The following SIRT3 variants were observed in gnomAD, a reference collection of about 807,000 sequenced individuals.
SIRT3 encodes the protein sirtuin 3.
In SIRT3, 26 loss-of-function variants were observed where a neutral mutation model predicts 33.5. The observed-to-expected ratio is 0.78, with a 90% confidence interval of 0.57 to 1.08. The LOEUF (loss-of-function observed/expected upper bound fraction) is 1.08, where lower values mean the gene tolerates loss of function less well. Ranked by LOEUF, SIRT3 falls within the 50% of genes least tolerant of loss-of-function variation. The probability of loss-of-function intolerance (pLI) is 0.00; values close to 1 mark genes in which losing one functional copy is unlikely to be tolerated. For synonymous variants in SIRT3, 237 were observed against 222.1 expected (o/e 1.07, Z -0.60); for missense variants, 585 against 530.1 (o/e 1.10, Z -1.02).
At chr11:219,601 C>A (rs1856151367) in intron 5 of SIRT3, among the ~76,000 whole-genome samples, 1 of 111,650 alleles carries the variant, frequency 9.0e-6, no homozygotes, top group South Asian at 3.3e-4. Flanking sequence ...CTCAAAGCTT[C>A]TTTTAAGAGG....
At chr11:227,384 G>C (rs933721761) in intron 4 of SIRT3, among the ~76,000 whole-genome samples, 1 of 151,632 alleles carries the variant, frequency 6.6e-6, no homozygotes, top group Non-Finnish European at 1.5e-5. Context: ...GTTGCAATGA[G>C]CTGAGATCAT....
At chr11:219,551 A>T (rs1327015016) in intron 5 of SIRT3, among the ~76,000 whole-genome samples, 1 of 152,166 alleles carries the variant, frequency 6.6e-6, no homozygotes, top group African/African-American at 2.4e-5. Context: ...CAGCCTCTAG[A>T]GAGGCCTAGC....
intron 4 of SIRT3, chr11:225,830 T>A (rs1464712373): frequency 6.6e-6 from 1 of 152,010 alleles, no homozygotes; most frequent in Non-Finnish European, 1.5e-5. Context: ...AACGGCAGAG[T>A]ATGATCCAGC....
intron 6 of SIRT3, among the ~76,000 whole-genome samples, chr11:217,426 G>A (rs1855810399): frequency 6.6e-6 from 1 of 152,220 alleles, no homozygotes; most frequent in Non-Finnish European, 1.5e-5. Context: ...TCCAGCTTGG[G>A]CAACAAGAGT....
chr11:235,998 G>A (rs201101128), intron 1 of SIRT3, 50 bp downstream of exon 1: 20 of 1,411,408 alleles, frequency 1.4e-5, no homozygotes, highest in Non-Finnish European at 1.6e-5. Flanking sequence ...AAGAGTGGGC[G>A]AGGTGTCGAC....
At position 226,268 on chromosome 11, in the gene SIRT3, C is replaced by A. The variant is rs75526425; in HGVS notation, c.808-2029G>T. Among the ~76,000 whole-genome samples, 688 of 152,174 alleles carry A rather than the reference C, an allele frequency of 4.5e-3. 4 individuals are homozygous for A. Among genetic ancestry groups the A allele is most frequent in the African/African-American group, 0.016 (665 of 41,524 alleles). On this transcript the variant is annotated intron_variant, in intron 4 of 6. Transcript: ENST00000382743. Reference sequence around the variant, plus strand: ...CCTTAGTGAAGAAGCCTAATGGTGGCTGGGGAGGGAGGGGTACAGTGAGGC... The same window carrying A: ...CCTTAGTGAAGAAGCCTAATGGTGGATGGGGAGGGAGGGGTACAGTGAGGC...
At chr11:221,282 T>C (rs1856409277) in intron 5 of SIRT3, among the ~76,000 whole-genome samples, 1 of 152,234 alleles carries the variant, frequency 6.6e-6, no homozygotes, top group Non-Finnish European at 1.5e-5. Context: ...TGGCTATCTT[T>C]TTATTTTTTG....
At chr11:236,006 G>T in intron 1 of SIRT3, 42 bp downstream of exon 1, 1 of 1,423,644 alleles carries the variant, frequency 7.0e-7, no homozygotes, top group South Asian at 1.5e-5. Context: ...GCGAGGTGTC[G>T]ACAACGAACA....
At chr11:218,489 G>A (rs61876182) in intron 6 of SIRT3, among the ~76,000 whole-genome samples, 26,330 of 152,128 alleles carry the variant, frequency 0.17, 2,591 homozygotes, top group Middle Eastern at 0.26. Flanking sequence ...TCTTTAACCC[G>A]TATCATCTTA....
chr11:221,012 A>G (rs932451928), intron 5 of SIRT3, among the ~76,000 whole-genome samples: 2 of 135,744 alleles, frequency 1.5e-5, no homozygotes, highest in South Asian at 5.2e-4. Context: ...ATTTATCAGC[A>G]TTTACCCTTC....
chr11:224,275 C>T, intron 4 of SIRT3, 36 bp from the exon 5 acceptor site: 1 of 1,592,444 alleles, frequency 6.3e-7, no homozygotes, highest in Non-Finnish European at 8.5e-7. Context: ...AGGAAGATGC[C>T]TGCAACACCC....
At position 215,688 on chromosome 11, in the gene SIRT3, G is replaced by A. The variant is rs1855575451; in HGVS notation, c.*1010C>T. On this transcript the variant is annotated 3_prime_UTR_variant, in exon 7 of 7. Transcript: ENST00000382743. ...GTGAGAGCCCAGGAGGGAGCAGCTG[G>A]TGCCTGACAGGGTGAGCCATCAGGG... 1 of 152,376 alleles carries A rather than the reference G, an allele frequency of 6.6e-6. No homozygotes were observed. Among genetic ancestry groups the A allele is most frequent in the Non-Finnish European group, 1.5e-5 (1 of 68,200 alleles). 9.4% of individuals were successfully genotyped at this position (152,376 alleles called of 1,614,324 possible).
chr11:219,141 T>C, intron 5 of SIRT3, 100 bp from the exon 6 acceptor site: 1 of 1,423,686 alleles, frequency 7.0e-7, no homozygotes. Flanking sequence ...AGCAGCAGAT[T>C]GGCAGTCAGA....
Position 219,011 on chromosome 11 carries a change from CG to C in SIRT3, c.999del (p.Val334CysfsTer40). On this transcript the variant is annotated frameshift_variant, in exon 6 of 7. Transcript: ENST00000382743. LOFTEE classifies it high-confidence loss of function. ...EVEPFASLTEAVRSSVPRLLI... is the reference protein window; with the variant it reads ...EVEPFASLTEXVRSSVPRLLI... The stretch of plus-strand genomic sequence containing the variant: ...AGCAGTCGGGGAACTGAGCTCCGCA[CG>C]GCCTCGGTCAAGCTGGCAAAAGGCT... The C allele has an allele frequency of 6.2e-7, 1 of 1,613,878 alleles. No individual in the cohort carries two copies. Among genetic ancestry groups the C allele is most frequent in the East Asian group, 2.2e-5 (1 of 44,886 alleles).
At chr11:231,181 GT>G (rs2133919755) in intron 3 of SIRT3, among the ~76,000 whole-genome samples, 1 of 152,032 alleles carries the variant, frequency 6.6e-6, no homozygotes, top group Admixed American at 6.6e-5. Flanking sequence ...GCTCATGCCT[GT>G]AATCCCAGTG....
At chr11:225,383 G>C (rs1440276499) in intron 4 of SIRT3, among the ~76,000 whole-genome samples, 1 of 152,140 alleles carries the variant, frequency 6.6e-6, no homozygotes, top group Non-Finnish European at 1.5e-5. Flanking sequence ...CTGCACTCCA[G>C]CCTGGGCAAC....
rs1385438610 is a variant in SIRT3, at chr11:236,204, C to T, written c.125G>A (p.Gly42Asp). 2 of 1,560,224 alleles carry T rather than the reference C, an allele frequency of 1.3e-6. No individual in the cohort carries two copies. The change falls in exon 1 of 7, where the codon GGC becomes GAC. Residue 42 changes from glycine (G) to aspartate (D), a missense_variant. Physicochemically the swap from Gly to Asp is moderately conservative, Grantham distance 94. Coordinates refer to ENST00000382743, the MANE Select transcript of SIRT3 (RefSeq NM_012239.6). ...QACGCRLVLG[G>D]RDDVSAGLRG... ...CAGCCCCGCACTCACATCGTCCCTG[C>T]CGCCAAGCACCAGCCGACAGCCGCA...
intron 4 of SIRT3, among the ~76,000 whole-genome samples, chr11:228,614 A>C (rs960898884): frequency 6.6e-6 from 1 of 152,254 alleles, no homozygotes; most frequent in African/African-American, 2.4e-5. Flanking sequence ...AAATTAACTC[A>C]AAATGGATCA....
chr11:223,639 T>A lies in SIRT3; in HGVS notation c.969+439A>T. Reference sequence around the variant, plus strand: ...ACACCCCCATCCTTCTCCCTTCTCCTCACACGTGGTGCCCCACCCACACCT... The same window carrying A: ...ACACCCCCATCCTTCTCCCTTCTCCACACACGTGGTGCCCCACCCACACCT... On this transcript the variant is annotated intron_variant, in intron 5 of 6. Coordinates refer to ENST00000382743, the MANE Select transcript of SIRT3 (RefSeq NM_012239.6). The surrounding 1 kb of genome is among the most constrained non-coding windows in gnomAD (Gnocchi z 4.8). 1.3e-5 allele frequency: 5 copies of A among 382,034 alleles called. No homozygotes were observed. Among genetic ancestry groups the A allele is most frequent in the Non-Finnish European group, 2.5e-5 (5 of 197,022 alleles). The allele number at this position is 382,034 out of a possible 1,614,324, so 23.7% of individuals were successfully genotyped here.
Sources: gnomAD v4.1 joint callset for allele counts (sites outside exome capture counted in the v4.1 genomes callset) on GRCh38, gnomAD v4.1.1 for gene constraint, Gnocchi (gnomAD v3.1) non-coding constraint, MANE v1.5 for transcripts, NCBI Gene and HGNC (gene_info 2026-07-23, HGNC 2026-07-21) for gene names.